The following ATP2C1 variants were observed in gnomAD, a reference collection of about 807,000 sequenced individuals.
ATP2C1 encodes ATPase secretory pathway Ca2+ transporting 1.
A neutral mutation model predicts 120.5 loss-of-function variants in ATP2C1; 31 were observed. That is an observed-to-expected ratio of 0.26 (90% CI 0.19 to 0.35). The LOEUF (loss-of-function observed/expected upper bound fraction) is 0.35, where lower values mean the gene tolerates loss of function less well. ATP2C1 is among the 10% of genes least tolerant of loss of function. The pLI, the probability that ATP2C1 is intolerant of heterozygous loss-of-function variation, is 1.00. For missense variants in ATP2C1, 731 were observed against 1,107.5 expected (o/e 0.66, Z 4.83); for synonymous variants, 351 against 358.7 (o/e 0.98, Z 0.24).
intron 8 of ATP2C1, among the ~76,000 whole-genome samples, chr3:130,948,436 T>C (rs931744458): frequency 5.6e-4 from 85 of 152,238 alleles, no homozygotes; most frequent in African/African-American, 2.0e-3. Context: ...AATTCTGTTA[T>C]GTGATAAGTT....
chr3:130,923,858 C>G (rs983790430), intron 2 of ATP2C1, among the ~76,000 whole-genome samples: 10 of 123,540 alleles, frequency 8.1e-5, no homozygotes, highest in Non-Finnish European at 1.4e-4. Flanking sequence ...AAGTGAGACT[C>G]TGTCTCAAAA....
At chr3:130,879,953 G>A (rs2068730685) in intron 1 of ATP2C1, among the ~76,000 whole-genome samples, 1 of 152,182 alleles carries the variant, frequency 6.6e-6, no homozygotes, top group East Asian at 1.9e-4. Context: ...GCTGGAATGG[G>A]CTGGGTTGCT....
rs77864147 is a variant in ATP2C1, at chr3:130,941,964, C to T, written c.531+265C>T. ...TGTGGGAGATACAAAGATGATATGA[C>T]AGAATACTTGTGACTAGGGAACATA... is the stretch of plus-strand genomic sequence containing the variant. On this transcript the variant is annotated intron_variant, in intron 8 of 27. Transcript: ENST00000510168. Among the ~76,000 whole-genome samples the T allele has an allele frequency of 0.027, 4,107 of 152,094 alleles. 191 individuals are homozygous for T. The highest frequency in any genetic ancestry group is 0.093 in the African/African-American group (3,878 of 41,478).
intron 2 of ATP2C1, among the ~76,000 whole-genome samples, chr3:130,900,581 G>T (rs1187746433): frequency 1.3e-5 from 2 of 151,722 alleles, no homozygotes; most frequent in African/African-American, 4.8e-5. Context: ...CTTTTTTTTT[G>T]AATATGTAAA....
At chr3:130,930,015 A>G in intron 2 of ATP2C1, 1 of 335,174 alleles carries the variant, frequency 3.0e-6, no homozygotes, top group South Asian at 2.5e-5. Flanking sequence ...TAAGAGGAGT[A>G]GTTAAAATGG....
At chr3:130,932,278 G>A in intron 4 of ATP2C1, 140 bp downstream of exon 4, 1 of 649,128 alleles carries the variant, frequency 1.5e-6, no homozygotes, top group South Asian at 1.8e-5. Flanking sequence ...TTTTTCATTT[G>A]TTGGGGCTTA....
intron 1 of ATP2C1, chr3:130,856,292 T>C (rs1399706461): frequency 1.3e-5 from 2 of 152,198 alleles, no homozygotes; most frequent in African/African-American, 2.4e-5. Context: ...TTAATTTGAA[T>C]TTTAGAAACT....
At chr3:130,905,880 T>A (rs2058097178) in intron 2 of ATP2C1, among the ~76,000 whole-genome samples, 1 of 152,104 alleles carries the variant, frequency 6.6e-6, no homozygotes, top group South Asian at 2.1e-4. Context: ...CTCTCATTTC[T>A]ACATCGTTTA....
intron 2 of ATP2C1, among the ~76,000 whole-genome samples, chr3:130,897,817 A>T (rs2069766489): frequency 6.6e-6 from 1 of 152,128 alleles, no homozygotes; most frequent in South Asian, 2.1e-4. Flanking sequence ...GTCACTAGGA[A>T]CGTTTAAAAT....
intron 2 of ATP2C1, among the ~76,000 whole-genome samples, chr3:130,920,686 T>C (rs758046770): frequency 6.6e-6 from 1 of 152,242 alleles, no homozygotes; most frequent in Non-Finnish European, 1.5e-5. Flanking sequence ...ATATGAATTT[T>C]AGAATCGTTT....
intron 2 of ATP2C1, among the ~76,000 whole-genome samples, chr3:130,899,118 A>G (rs1286141823): frequency 1.3e-5 from 2 of 152,088 alleles, no homozygotes; most frequent in Non-Finnish European, 2.9e-5. Context: ...GGATCTCTCA[A>G]AAAAAAGGCT....
chr3:130,865,779 C>A (rs1313802743), intron 1 of ATP2C1, among the ~76,000 whole-genome samples: 1 of 152,214 alleles, frequency 6.6e-6, no homozygotes, highest in East Asian at 1.9e-4. Flanking sequence ...CCATGTGGAA[C>A]TGTAAGTCCA....
upstream of ATP2C1, among the ~76,000 whole-genome samples, chr3:130,892,851 C>T (rs1156888573): frequency 6.6e-6 from 1 of 152,146 alleles, no homozygotes; most frequent in Non-Finnish European, 1.5e-5. Flanking sequence ...TCTAGTACCA[C>T]TTACTTGGGA....
intron 8 of ATP2C1, among the ~76,000 whole-genome samples, chr3:130,951,979 C>G (rs932704203): frequency 6.6e-6 from 1 of 152,128 alleles, no homozygotes. Flanking sequence ...GCCTAACACA[C>G]AAACACACCA....
At chr3:130,996,922 T>A (rs2062648510) in intron 24 of ATP2C1, 126 bp downstream of exon 24, 1 of 758,576 alleles carries the variant, frequency 1.3e-6, no homozygotes, top group Non-Finnish European at 2.4e-6. Flanking sequence ...AACATTTATG[T>A]TATAAATTGT....
chr3:130,970,738 TTA>T (rs1188020968), intron 17 of ATP2C1, among the ~76,000 whole-genome samples: 2 of 152,120 alleles, frequency 1.3e-5, no homozygotes, highest in Non-Finnish European at 1.5e-5. Context: ...GACTAGTTGG[TTA>T]TATGTTTTTA....
chr3:130,894,514 T>C lies in ATP2C1; in HGVS notation c.-180-76T>C. 2 of 1,390,214 alleles carry C rather than the reference T, an allele frequency of 1.4e-6. No individual in the cohort carries two copies. Among genetic ancestry groups the C allele is most frequent in the South Asian group, 3.2e-5 (2 of 62,748 alleles). The allele number at this position is 1,390,214 out of a possible 1,614,324, so 86.1% of individuals were successfully genotyped here. On this transcript the variant is annotated intron_variant, in intron 1 of 27. Coordinates refer to ENST00000510168, the MANE Select transcript of ATP2C1 (RefSeq NM_001378687.1). This position sits in a 1 kb window ranked among gnomAD's most constrained non-coding sequence, Gnocchi z 4.5. Reference sequence around the variant, plus strand: ...GGTGCGGGATCTTGGGGAGGGGGGCTCCCGAGATAGTGGCTGGGCGGGGAA... The same window carrying C: ...GGTGCGGGATCTTGGGGAGGGGGGCCCCCGAGATAGTGGCTGGGCGGGGAA...
At chr3:130,938,302 T>G (rs1407614007) in intron 6 of ATP2C1, among the ~76,000 whole-genome samples, 1 of 152,258 alleles carries the variant, frequency 6.6e-6, no homozygotes, top group Non-Finnish European at 1.5e-5. Context: ...TCAGCAGATT[T>G]CCTTTTTAGC....
intron 16 of ATP2C1, among the ~76,000 whole-genome samples, chr3:130,968,226 G>A (rs1358089884): frequency 1.3e-5 from 2 of 152,138 alleles, no homozygotes; most frequent in Non-Finnish European, 2.9e-5. Context: ...AACTAAAACA[G>A]CATAGTACTC....
Sources: gnomAD v4.1 joint callset for allele counts (sites outside exome capture counted in the v4.1 genomes callset) on GRCh38, gnomAD v4.1.1 for gene constraint, Gnocchi (gnomAD v3.1) non-coding constraint, MANE v1.5 for transcripts, NCBI Gene and HGNC (gene_info 2026-07-23, HGNC 2026-07-21) for gene names.